TTL: variants seen among roughly 807,000 people sequenced by gnomAD.
TTL encodes tubulin tyrosine ligase, also known as tubulin--tyrosine ligase.
In TTL, 10 loss-of-function variants were observed where a neutral mutation model predicts 41.1. That is an observed-to-expected ratio of 0.24 (90% CI 0.15 to 0.41). TTL has a LOEUF of 0.41. Among genes scored for constraint, TTL ranks in the 10% least tolerant of loss-of-function variants. The pLI, the probability that TTL is intolerant of heterozygous loss-of-function variation, is 1.00. For synonymous variants in TTL, 175 were observed against 175.5 expected, an observed-to-expected ratio of 1.00 and a Z score of 0.02; for missense variants, 367 against 460.4, an observed-to-expected ratio of 0.80 and a Z score of 1.86.
chr2:112,523,396 C>T (rs942028533), intron 6 of TTL, among the ~76,000 whole-genome samples: 1 of 151,406 alleles, frequency 6.6e-6, no homozygotes, highest in Non-Finnish European at 1.5e-5. Context: ...TTCTTTATTT[C>T]TACCCTGTCA....
intron 5 of TTL, among the ~76,000 whole-genome samples, chr2:112,516,121 G>A (rs1682063230): frequency 6.6e-6 from 1 of 152,106 alleles, no homozygotes. Context: ...TTTTCCCAGT[G>A]TTACATCTGT....
intron 3 of TTL, among the ~76,000 whole-genome samples, chr2:112,497,249 CA>C: frequency 6.6e-6 from 1 of 152,222 alleles, no homozygotes; most frequent in Admixed American, 6.5e-5. Context: ...CTCCTGAGCT[CA>C]AGTGATCTTC....
At chr2:112,515,365 CT>C (rs1682038693) in intron 5 of TTL, among the ~76,000 whole-genome samples, 1 of 152,098 alleles carries the variant, frequency 6.6e-6, no homozygotes, top group South Asian at 2.1e-4. Context: ...CTGTCTGGCC[CT>C]TTATAGAAAA....
chr2:112,528,655 A>T, intron 6 of TTL, 26 bp from the exon 7 acceptor site: 1 of 1,577,328 alleles, frequency 6.3e-7, no homozygotes. Flanking sequence ...AACATCCTCA[A>T]TGATATTTTT....
intron 3 of TTL, among the ~76,000 whole-genome samples, chr2:112,498,180 G>A (rs993475959): frequency 2.0e-5 from 3 of 151,932 alleles, no homozygotes; most frequent in African/African-American, 4.8e-5. Flanking sequence ...CAAATTAGCC[G>A]GGCTTGGTGG....
At chr2:112,517,388 C>T (rs549711113) in intron 5 of TTL, among the ~76,000 whole-genome samples, 1 of 151,842 alleles carries the variant, frequency 6.6e-6, no homozygotes, top group South Asian at 2.1e-4. Context: ...GCTGGGATTA[C>T]AGGCATGTGC....
Position 112,535,784 on chromosome 2 carries a change from A to G in TTL, c.*6989A>G, listed in dbSNP as rs1229310807. 1 of 152,162 alleles carries G rather than the reference A, an allele frequency of 6.6e-6. No homozygotes were observed. Among genetic ancestry groups the G allele is most frequent in the African/African-American group, 2.4e-5 (1 of 41,436 alleles). The allele number at this position is 152,162 out of a possible 1,614,324, so 9.4% of individuals were successfully genotyped here. A position where few individuals can be genotyped will look rare whatever the true frequency, so the allele number is the denominator to read the frequency against. On this transcript the variant is annotated 3_prime_UTR_variant, in exon 7 of 7. Coordinates refer to ENST00000233336, the MANE Select transcript of TTL (RefSeq NM_153712.5). ...CATGATCCAACTATATGCTATCTACAAAAAACACACTTCATTTTATTTTTA... is the reference window on the plus strand; with the variant it reads ...CATGATCCAACTATATGCTATCTACGAAAAACACACTTCATTTTATTTTTA...
At chr2:112,503,235 C>A in intron 5 of TTL, 54 bp downstream of exon 5, 3 of 1,426,602 alleles carry the variant, frequency 2.1e-6, no homozygotes, top group Non-Finnish European at 2.8e-6. Context: ...GGAGCTTTGG[C>A]GTCTATGCCT....
At chr2:112,521,859 A>G (rs1682241533) in intron 6 of TTL, among the ~76,000 whole-genome samples, 1 of 152,226 alleles carries the variant, frequency 6.6e-6, no homozygotes, top group Admixed American at 6.5e-5. Context: ...CCAAGGGCCC[A>G]CGATGGGAAG....
chr2:112,491,287 G>A (rs1396728799), intron 2 of TTL, among the ~76,000 whole-genome samples: 1 of 152,112 alleles, frequency 6.6e-6, no homozygotes, highest in Non-Finnish European at 1.5e-5. Context: ...CACCACTCCC[G>A]GCTGAGTTTG....
chr2:112,517,983 T>C (rs1682115700), intron 5 of TTL, among the ~76,000 whole-genome samples: 1 of 150,998 alleles, frequency 6.6e-6, no homozygotes, highest in African/African-American at 2.4e-5. Context: ...TCTCGCTCTG[T>C]TTCCCAGGCT....
At position 112,537,605 on chromosome 2, in the gene TTL, C is replaced by T. The variant is rs1175039590; in HGVS notation, c.*8810C>T. 6.6e-6 allele frequency: 1 copy of T among 152,084 alleles called. No homozygotes were observed. Among genetic ancestry groups the T allele is most frequent in the African/African-American group, 2.4e-5 (1 of 41,406 alleles). The allele number at this position is 152,084 out of a possible 1,614,324, so 9.4% of individuals were successfully genotyped here. A position where few individuals can be genotyped will look rare whatever the true frequency, so the allele number is the denominator to read the frequency against. On this transcript the variant is annotated 3_prime_UTR_variant, in exon 7 of 7. Coordinates refer to ENST00000233336, the MANE Select transcript of TTL (RefSeq NM_153712.5). Reference sequence around the variant, plus strand: ...GTTGATTAGTGATGATGAACATTGTCTCATATGTTTCTTGGCCACTTGTAT... The same window carrying T: ...GTTGATTAGTGATGATGAACATTGTTTCATATGTTTCTTGGCCACTTGTAT...
At chr2:112,504,072 T>A (rs1287478121) in intron 5 of TTL, among the ~76,000 whole-genome samples, 2 of 51,294 alleles carry the variant, frequency 3.9e-5, no homozygotes, top group East Asian at 1.0e-3. Flanking sequence ...TGTTTGGTTT[T>A]TTGTTCTTGC....
chr2:112,520,383 A>C lies in TTL; in HGVS notation c.977A>C (p.Lys326Thr), dbSNP rs775261220. The C allele has an allele frequency of 1.2e-6, 2 of 1,614,136 alleles. No individual in the cohort carries two copies. The highest frequency in any genetic ancestry group is 1.7e-6 in the Non-Finnish European group (2 of 1,180,032). ...GFDFMVDEEL[K>T]VWLIEVNGAP... ...GACTTCATGGTCGATGAGGAGCTGA[A>C]GGTGTGGCTCATTGAGGTCAACGGT... The change falls in exon 6 of 7, where the codon AAG (lysine) becomes ACG (threonine). Residue 326 changes from lysine to threonine, a missense_variant. Physicochemically the swap from Lys to Thr is moderately conservative, Grantham distance 78. Coordinates refer to ENST00000233336, the MANE Select transcript of TTL (RefSeq NM_153712.5).
intron 5 of TTL, among the ~76,000 whole-genome samples, chr2:112,518,843 T>C (rs1363097066): frequency 6.6e-6 from 1 of 152,062 alleles, no homozygotes; most frequent in East Asian, 1.9e-4. Flanking sequence ...CCTGGCTAAT[T>C]TTTGTAATTT....
At chr2:112,494,600 G>A (rs559561999) in intron 3 of TTL, among the ~76,000 whole-genome samples, 1 of 152,134 alleles carries the variant, frequency 6.6e-6, no homozygotes, top group Admixed American at 6.5e-5. Flanking sequence ...TCTCTAAAAG[G>A]CATTTCAAAC....
intron 3 of TTL, among the ~76,000 whole-genome samples, 169 bp downstream of exon 3, chr2:112,494,544 G>A (rs1465923062): frequency 6.6e-6 from 1 of 152,148 alleles, no homozygotes; most frequent in Non-Finnish European, 1.5e-5. Flanking sequence ...TCTATCTCCA[G>A]TATGGTCTTT....
At position 112,525,530 on chromosome 2, in the gene TTL, G is replaced by A. The variant is rs145091921; in HGVS notation, c.1020-3151G>A. 5.9e-5 allele frequency among the ~76,000 whole-genome samples: 9 copies of A among 152,220 alleles called. No individual in the cohort carries two copies. The East Asian group carries it at 1.7e-3, about 29-fold the overall frequency. On this transcript the variant is annotated intron_variant, in intron 6 of 6. Transcript: ENST00000233336. Reference sequence around the variant, plus strand: ...ACATCCCTTGTAAGTTGGATTATTGGTATTTTATTCTCTCTGAAGCAGTTG... The same window carrying A: ...ACATCCCTTGTAAGTTGGATTATTGATATTTTATTCTCTCTGAAGCAGTTG...
intron 5 of TTL, among the ~76,000 whole-genome samples, chr2:112,510,597 G>T (rs977097594): frequency 1.3e-5 from 2 of 151,556 alleles, no homozygotes; most frequent in Admixed American, 6.6e-5. Context: ...TCAGCCTCCC[G>T]TGTAGCTGGG....
Sources: allele counts gnomAD v4.1 joint callset (sites outside exome capture counted in the v4.1 genomes callset), GRCh38; gene constraint gnomAD v4.1.1; transcripts MANE v1.5; gene names NCBI Gene and HGNC (gene_info 2026-07-23, HGNC 2026-07-21).